Variants in SLC26A9 observed in about 807,000 individuals in gnomAD.
SLC26A9 encodes the protein anion transporter/exchanger protein 9.
In SLC26A9, 46 loss-of-function variants were observed where a neutral mutation model predicts 87.1. That is an observed-to-expected ratio of 0.53 (90% CI 0.42 to 0.67). The LOEUF (loss-of-function observed/expected upper bound fraction) is 0.67. Ranked by LOEUF, SLC26A9 falls within the 30% of genes least tolerant of loss-of-function variation. The pLI is 0.00. For missense variants in SLC26A9, 927 were observed against 1,018.3 expected (o/e 0.91, Z 1.22); for synonymous variants, 437 against 409.1 (o/e 1.07, Z -0.82).
rs1471777465 is a variant in SLC26A9, at chr1:205,928,977, G to A, written c.871-68C>T. On this transcript the variant is annotated intron_variant, in intron 7 of 20. Coordinates refer to ENST00000367135, the MANE Select transcript of SLC26A9 (RefSeq NM_052934.4). ...GGGCCAGGGCAGGCGTCTCTCTCAA[G>A]TCTCCCTTTTCTCTGGGGACCCTGA... 120 of 1,578,990 alleles carry A rather than the reference G, an allele frequency of 7.6e-5. 1 individual carries two copies. Among genetic ancestry groups the A allele is most frequent in the Admixed American group, 6.1e-4 (36 of 59,356 alleles).
At chr1:205,928,708 C>T in intron 8 of SLC26A9, 119 bp downstream of exon 8, 2 of 878,692 alleles carry the variant, frequency 2.3e-6, no homozygotes, top group Non-Finnish European at 3.7e-6. Flanking sequence ...CATACATGGT[C>T]AGTGTCATAC....
Position 205,929,367 on chromosome 1 carries a change from G to C in SLC26A9, c.718-11C>G, listed in dbSNP as rs750983711. On this transcript the variant is annotated splice_polypyrimidine_tract_variant and intron_variant, in intron 6 of 20. Coordinates refer to ENST00000367135, the MANE Select transcript of SLC26A9 (RefSeq NM_052934.4). ...AATGTCAATGAAGGTCTGGGGGAAA[G>C]AGCATCATGCTCACAGGCTCCCACC... 19 of 1,613,106 alleles carry C rather than the reference G, an allele frequency of 1.2e-5. No homozygotes were observed. The highest frequency in any genetic ancestry group is 1.4e-5 in the Non-Finnish European group (16 of 1,179,376).
chr1:205,927,127 TG>T, intron 11 of SLC26A9, 83 bp downstream of exon 11: 1 of 1,388,928 alleles, frequency 7.2e-7, no homozygotes, highest in Non-Finnish European at 1.0e-6. Flanking sequence ...TGGCACTTTG[TG>T]GTCCGTAAAG....
chr1:205,926,465 C>A, intron 12 of SLC26A9, 70 bp downstream of exon 12: 1 of 1,274,588 alleles, frequency 7.8e-7, no homozygotes. Context: ...TAGGACAGGG[C>A]TGACAGGGCT....
Position 205,915,189 on chromosome 1 carries a change from G to C in SLC26A9, c.*168C>G, listed in dbSNP as rs751094984. 1 of 1,610,846 alleles carries C rather than the reference G, an allele frequency of 6.2e-7. No homozygotes were observed. The highest frequency in any genetic ancestry group is 8.5e-7 in the Non-Finnish European group (1 of 1,177,780). The stretch of plus-strand genomic sequence containing the variant: ...CTGCTGCTGAGAGGCTCTCTCTGGA[G>C]ATGCGGGGAGGGAAGGAAGGGAGGA... On this transcript the variant is annotated 3_prime_UTR_variant, in exon 21 of 21. Transcript: ENST00000367135.
Position 205,921,666 on chromosome 1 carries a change from A to G in SLC26A9, c.1955T>C (p.Met652Thr), listed in dbSNP as rs2102576537. Residue 652 changes from methionine (M) to threonine (T), a missense_variant, in exon 17 of 21, where the codon ATG becomes ACG. Coordinates refer to ENST00000367135, the MANE Select transcript of SLC26A9 (RefSeq NM_052934.4). The stretch of plus-strand genomic sequence containing the variant: ...GACGAAGGGTGGGACGCTGGCCAGC[A>G]TGTCACTGGGCTCGCCGGGGGCCTC... Reference protein sequence around the residue: ...SAEAPGEPSDMLASVPPFVTF... With the variant: ...SAEAPGEPSDTLASVPPFVTF... 6.2e-7 allele frequency: 1 copy of G among 1,603,892 alleles called. No homozygotes were observed. The highest frequency in any genetic ancestry group is 8.5e-7 in the Non-Finnish European group (1 of 1,175,276).
Position 205,914,931 on chromosome 1 carries a change from G to A in SLC26A9, c.*426C>T, listed in dbSNP as rs753004152. 24 of 1,613,972 alleles carry A rather than the reference G, an allele frequency of 1.5e-5. No individual in the cohort carries two copies. Among genetic ancestry groups the A allele is most frequent in the East Asian group, 8.9e-5 (4 of 44,898 alleles). On this transcript the variant is annotated 3_prime_UTR_variant, in exon 21 of 21. Coordinates refer to ENST00000367135, the MANE Select transcript of SLC26A9 (RefSeq NM_052934.4). Reference sequence around the variant, plus strand: ...GCCTGACACCATCTGACACCGAGCCGTGTGGGCTCTGGGACACTTTTTGAA... The same window carrying A: ...GCCTGACACCATCTGACACCGAGCCATGTGGGCTCTGGGACACTTTTTGAA...
intron 20 of SLC26A9, among the ~76,000 whole-genome samples, chr1:205,916,484 T>A (rs959924243): frequency 2.6e-5 from 4 of 152,208 alleles, no homozygotes; most frequent in African/African-American, 9.7e-5. Context: ...ATAACGTAAG[T>A]TTCTAAAAGG....
chr1:205,929,018 C>T (rs1486953925), intron 7 of SLC26A9, 109 bp from the exon 8 acceptor site: 2 of 1,473,734 alleles, frequency 1.4e-6, no homozygotes, highest in Non-Finnish European at 1.9e-6. Flanking sequence ...ACTCCCCTGC[C>T]TCCTTAGGGG....
chr1:205,930,854 A>G (rs1160209022), intron 5 of SLC26A9, among the ~76,000 whole-genome samples: 3 of 152,074 alleles, frequency 2.0e-5, no homozygotes, highest in Non-Finnish European at 2.9e-5. Flanking sequence ...CTCCTCTTTG[A>G]GGTCCTCCGT....
Position 205,914,573 on chromosome 1 carries a change from A to T in SLC26A9, c.*784T>A, listed in dbSNP as rs1248999288. ...ACCCATCCCCCTCTTTGGGGTTTCT[A>T]GCCAGCCTCCAGGGGAAGGGAGCAG... is the stretch of plus-strand genomic sequence containing the variant. On this transcript the variant is annotated 3_prime_UTR_variant, in exon 21 of 21. Coordinates refer to ENST00000367135, the MANE Select transcript of SLC26A9 (RefSeq NM_052934.4). The T allele has an allele frequency of 3.4e-6, 1 of 295,364 alleles. No homozygotes were observed. Among genetic ancestry groups the T allele is most frequent in the Admixed American group, 4.6e-5 (1 of 21,882 alleles). The allele number at this position is 295,364 out of a possible 1,614,324, so 18.3% of individuals were successfully genotyped here.
chr1:205,923,651 TA>T, intron 13 of SLC26A9, 38 bp from the exon 14 acceptor site: 6 of 1,612,902 alleles, frequency 3.7e-6, no homozygotes, highest in Non-Finnish European at 5.1e-6. Flanking sequence ...AAGAGAATGC[TA>T]ATGGCACATG....
intron 18 of SLC26A9, 60 bp from the exon 19 acceptor site, chr1:205,919,045 G>A (rs1658713723): frequency 1.2e-6 from 2 of 1,600,496 alleles, no homozygotes; most frequent in East Asian, 4.5e-5. Flanking sequence ...GGAGCTGGGG[G>A]TGGGGAAGAT....
intron 6 of SLC26A9, 94 bp downstream of exon 6, chr1:205,929,798 C>T (rs1453436790): frequency 2.1e-6 from 3 of 1,421,058 alleles, no homozygotes; most frequent in Non-Finnish European, 2.8e-6. Flanking sequence ...CCAGCCCTTG[C>T]AATGAGGAGC....
At chr1:205,922,218 C>A (rs552429716) in intron 16 of SLC26A9, among the ~76,000 whole-genome samples, 9 of 152,218 alleles carry the variant, frequency 5.9e-5, no homozygotes, top group Non-Finnish European at 1.3e-4. Flanking sequence ...CTCACTGCAA[C>A]CTCTGCCTCC....
At chr1:205,921,484 T>C (rs943282347) in intron 17 of SLC26A9, 82 bp downstream of exon 17, 1 of 1,492,354 alleles carries the variant, frequency 6.7e-7, no homozygotes, top group Non-Finnish European at 8.9e-7. Context: ...CTTCCTGAAA[T>C]GAGGGCTCCC....
In SLC26A9 at chr1:205,923,395, C is replaced by T. The variant is rs949901343; in HGVS notation, c.1599G>A (p.Thr533=). The change falls in exon 15 of 21, where the codon ACG becomes ACA. Residue 533 remains threonine, a synonymous_variant. Coordinates refer to ENST00000367135, the MANE Select transcript of SLC26A9 (RefSeq NM_052934.4). ...TGGCAAAGTAGAGAGGGGAGCAGTACGTGATGATTTTAATCCCCTGGATAT... is the reference window on the plus strand; with the variant it reads ...TGGCAAAGTAGAGAGGGGAGCAGTATGTGATGATTTTAATCCCCTGGATAT... The part of the protein sequence containing the change: ...AQDIQGIKII[T]YCSPLYFANS... 5.0e-6 allele frequency: 8 copies of T among 1,614,086 alleles called. No homozygotes were observed. The highest frequency in any genetic ancestry group is 2.7e-5 in the African/African-American group (2 of 74,914).
At position 205,927,193 on chromosome 1, in the gene SLC26A9, C is replaced by G. The variant is rs759430552; in HGVS notation, c.1293+18G>C. On this transcript the variant is annotated intron_variant, in intron 11 of 20. Coordinates refer to ENST00000367135, the MANE Select transcript of SLC26A9 (RefSeq NM_052934.4). ...TTGGAGTCTTTCGTTGACTTCTGCT[C>G]GATGGCTGGGCTCTTACCTTAGGGA... The G allele has an allele frequency of 2.5e-6, 4 of 1,613,794 alleles. No homozygotes were observed. Among genetic ancestry groups the G allele is most frequent in the East Asian group, 2.2e-5 (1 of 44,874 alleles).
intron 9 of SLC26A9, 110 bp downstream of exon 9, chr1:205,927,792 T>G (rs1171312916): frequency 6.5e-7 from 1 of 1,527,412 alleles, no homozygotes; most frequent in African/African-American, 1.4e-5. Flanking sequence ...TCCCCCACAC[T>G]CGAGGCAGCC....
Sources: gnomAD v4.1 joint callset for allele counts (sites outside exome capture counted in the v4.1 genomes callset) on GRCh38, gnomAD v4.1.1 for gene constraint, MANE v1.5 for transcripts, NCBI Gene and HGNC (gene_info 2026-07-23, HGNC 2026-07-21) for gene names.